The following CFAP46 variants were observed in gnomAD, a reference collection of about 807,000 sequenced individuals.
CFAP46 encodes the protein cilia and flagella associated protein 46, also known as cilia- and flagella-associated protein 46.
Under a neutral mutation model 325.7 loss-of-function variants are expected in CFAP46, and 245 were observed. The ratio of observed to expected loss-of-function variants is 0.75; its 90% CI spans 0.68 to 0.84. CFAP46 has a LOEUF of 0.84. Ranked by LOEUF, CFAP46 falls within the 40% of genes least tolerant of loss-of-function variation. The probability of loss-of-function intolerance (pLI) is 0.00; values close to 1 mark genes in which losing one functional copy is unlikely to be tolerated. For synonymous variants in CFAP46, 1,523 were observed against 1,495.9 expected, an observed-to-expected ratio of 1.02 and a Z score of -0.42; for missense variants, 3,346 against 3,543.0, an observed-to-expected ratio of 0.94 and a Z score of 1.41.
chr10:132,908,311 A>G, intron 22 of CFAP46, 157 bp downstream of exon 22: 1 of 810,396 alleles, frequency 1.2e-6, no homozygotes. Context: ...GGGCGCTCAC[A>G]CGCGCCCTGA....
chr10:132,831,907 TTTC>T (rs1413858312), intron 50 of CFAP46, among the ~76,000 whole-genome samples: 1 of 152,204 alleles, frequency 6.6e-6, no homozygotes, highest in East Asian at 1.9e-4. Context: ...TTTGTTTGTT[TTTC>T]TTGTTTTGTT....
chr10:132,810,804 A>G (rs1847565432), intron 56 of CFAP46, 146 bp downstream of exon 56: 1 of 808,512 alleles, frequency 1.2e-6, no homozygotes, highest in Non-Finnish European at 2.1e-6. Flanking sequence ...CACCTCGCCA[A>G]CTGCTGGAAC....
At position 132,880,918 on chromosome 10, in the gene CFAP46, T is replaced by G; in HGVS notation, c.3742A>C (p.Ile1248Leu). Residue 1248 changes from isoleucine (I) to leucine (L), a missense_variant, in exon 28 of 58, where the codon ATC becomes CTC. Physicochemically the swap from Ile to Leu is conservative, Grantham distance 5. Coordinates refer to ENST00000368586, the MANE Select transcript of CFAP46 (RefSeq NM_001200049.3). ...VVFHLRWAVE[I>L]LLAMKPPGDV... Reference sequence around the variant, plus strand: ...CCGGGCGGCTTCATGGCCAGCAGGATCTCGACAGCCCAGCGGAGGTGGAAG... The same window carrying G: ...CCGGGCGGCTTCATGGCCAGCAGGAGCTCGACAGCCCAGCGGAGGTGGAAG... 1 of 1,550,278 alleles carries G rather than the reference T, an allele frequency of 6.5e-7. No homozygotes were observed. The highest frequency in any genetic ancestry group is 1.2e-5 in the South Asian group (1 of 84,052).
chr10:132,839,114 G>A (rs764924394), intron 44 of CFAP46, among the ~76,000 whole-genome samples: 13 of 152,168 alleles, frequency 8.5e-5, no homozygotes, highest in Non-Finnish European at 1.5e-4. Flanking sequence ...CACATGTGTC[G>A]GCAACCTAGT....
chr10:132,822,185 T>G (rs1272989770), intron 50 of CFAP46, among the ~76,000 whole-genome samples: 1 of 110,226 alleles, frequency 9.1e-6, no homozygotes, highest in Non-Finnish European at 1.8e-5. Flanking sequence ...TGTGTGCTGA[T>G]GTGTGCACTG....
Position 132,817,948 on chromosome 10 carries a change from G to A in CFAP46, c.7118-3034C>T, listed in dbSNP as rs76578919. On this transcript the variant is annotated intron_variant, in intron 50 of 57. Coordinates refer to ENST00000368586, the MANE Select transcript of CFAP46 (RefSeq NM_001200049.3). The surrounding 1 kb of genome is among the most constrained non-coding windows in gnomAD (Gnocchi z 4.4). The stretch of plus-strand genomic sequence containing the variant: ...CCTGGCCACGCCCTCCATCCTCACC[G>A]TCGGCAGCGCAGCCCCCAGGCTCCT... Among the ~76,000 whole-genome samples, 6 of 152,160 alleles carry A rather than the reference G, an allele frequency of 3.9e-5. No individual in the cohort carries two copies. The highest frequency in any genetic ancestry group is 2.1e-4 in the South Asian group (1 of 4,828).
chr10:132,900,813 C>A (rs1849382690), intron 22 of CFAP46, among the ~76,000 whole-genome samples: 1 of 152,248 alleles, frequency 6.6e-6, no homozygotes, highest in Non-Finnish European at 1.5e-5. Context: ...CATCTGTAGC[C>A]TCAGTGACTT....
rs748563286 is a variant in CFAP46, at chr10:132,872,742, T to A, written c.4445A>T (p.Gln1482Leu). The part of the protein sequence containing the change: ...CLHELTVPVL[Q>L]LGVLISDSVV... The stretch of plus-strand genomic sequence containing the variant: ...GGAGTCCGAAATCAGCACCCCCAAC[T>A]GCAGGACGGGAACCGTGAGTTCGTG... The change falls in exon 32 of 58, where the codon CAG becomes CTG. Residue 1482 changes from glutamine to leucine, a missense_variant. Gln to Leu is a moderately radical substitution (Grantham distance 113). Transcript: ENST00000368586. 90 of 1,550,770 alleles carry A rather than the reference T, an allele frequency of 5.8e-5. No individual in the cohort carries two copies. Among genetic ancestry groups the A allele is most frequent in the Admixed American group, 7.8e-5 (4 of 50,994 alleles).
chr10:132,907,160 C>T (rs1261227818), intron 22 of CFAP46, among the ~76,000 whole-genome samples: 3 of 152,390 alleles, frequency 2.0e-5, no homozygotes, highest in East Asian at 1.9e-4. Flanking sequence ...GTGCTGCCCA[C>T]GCTGGCCATT....
rs142985283 is a variant in CFAP46 at position 132,853,061 on chromosome 10, T to C, written c.5575-1756A>G. ...TTTAATTTCCTTTTTTCCTGCCGGATTCCATAGGCCGGAACTCCCATGTCA... is the reference window on the plus strand; with the variant it reads ...TTTAATTTCCTTTTTTCCTGCCGGACTCCATAGGCCGGAACTCCCATGTCA... On this transcript the variant is annotated intron_variant, in intron 39 of 57. Coordinates refer to ENST00000368586, the MANE Select transcript of CFAP46 (RefSeq NM_001200049.3). Among the ~76,000 whole-genome samples, 1,408 of 148,516 alleles carry C rather than the reference T, an allele frequency of 9.5e-3. 12 individuals are homozygous for C. The highest frequency in any genetic ancestry group is 0.046 in the South Asian group (210 of 4,534).
chr10:132,870,131 C>T (rs889975222), intron 32 of CFAP46, among the ~76,000 whole-genome samples: 6 of 152,136 alleles, frequency 3.9e-5, no homozygotes, highest in Non-Finnish European at 8.8e-5. Context: ...GTGATCTTTG[C>T]GGTTACCATT....
intron 50 of CFAP46, among the ~76,000 whole-genome samples, chr10:132,821,727 CGTGTGCTGTGTGTGCGCTGAT>C (rs1565035564): frequency 4.0e-5 from 3 of 75,474 alleles, no homozygotes; most frequent in Non-Finnish European, 7.4e-5. Context: ...TGTGTGCTGA[CGTGTGCTGTGTGTGCGCTGAT>C]GTGTGCTGTG....
At chr10:132,901,061 G>C (rs542781848) in intron 22 of CFAP46, among the ~76,000 whole-genome samples, 1 of 152,370 alleles carries the variant, frequency 6.6e-6, no homozygotes, top group African/African-American at 2.4e-5. Context: ...GGCACTTGCA[G>C]AGTGCCTCTC....
At chr10:132,864,778 C>A (rs866954889) in intron 35 of CFAP46, among the ~76,000 whole-genome samples, 1 of 131,144 alleles carries the variant, frequency 7.6e-6, no homozygotes, top group African/African-American at 3.0e-5. Context: ...CCTGAACACA[C>A]CTGTCCCCCT....
At chr10:132,840,020 C>G (rs556910315) in intron 44 of CFAP46, among the ~76,000 whole-genome samples, 1 of 151,682 alleles carries the variant, frequency 6.6e-6, no homozygotes, top group South Asian at 2.1e-4. Context: ...TGCTTTATTT[C>G]TACTTTCTAT....
chr10:132,917,748 G>T (rs184732547), intron 16 of CFAP46, among the ~76,000 whole-genome samples: 3 of 152,268 alleles, frequency 2.0e-5, no homozygotes, highest in African/African-American at 7.2e-5. Context: ...AGCACAGAAG[G>T]TTCTATGACA....
intron 8 of CFAP46, 39 bp from the exon 9 acceptor site, chr10:132,929,843 G>C (rs1216481550): frequency 6.6e-7 from 1 of 1,504,344 alleles, no homozygotes; most frequent in African/African-American, 1.4e-5. Flanking sequence ...GCTCAATAGG[G>C]GGCACAGGAA....
In CFAP46 at chr10:132,877,090, A is replaced by G. The variant is rs947816226; in HGVS notation, c.4213-129T>C. ...GGCAGCCGGCATCCTCCCCACCACC[A>G]GGTCCCAGCGAGTGCCCAGATCCAG... On this transcript the variant is annotated intron_variant, in intron 30 of 57. Coordinates refer to ENST00000368586, the MANE Select transcript of CFAP46 (RefSeq NM_001200049.3). This position sits in a 1 kb window ranked among gnomAD's most constrained non-coding sequence, Gnocchi z 5.7. 53 of 887,046 alleles carry G rather than the reference A, an allele frequency of 6.0e-5. No individual in the cohort carries two copies. Among genetic ancestry groups the G allele is most frequent in the African/African-American group, 5.9e-4 (35 of 59,054 alleles). The allele number at this position is 887,046 out of a possible 1,614,324, so 54.9% of individuals were successfully genotyped here.
chr10:132,905,940 T>C (rs991598667), intron 22 of CFAP46, among the ~76,000 whole-genome samples: 1 of 152,032 alleles, frequency 6.6e-6, no homozygotes, highest in Non-Finnish European at 1.5e-5. Context: ...AGGAGGTGAG[T>C]TTTCCTTTTG....
Sources: gnomAD v4.1 joint callset for allele counts (sites outside exome capture counted in the v4.1 genomes callset) on GRCh38, gnomAD v4.1.1 for gene constraint, Gnocchi (gnomAD v3.1) non-coding constraint, MANE v1.5 for transcripts, NCBI Gene and HGNC (gene_info 2026-07-23, HGNC 2026-07-21) for gene names.